NT5DC1: variants seen among roughly 807,000 people sequenced by gnomAD.
The protein encoded by NT5DC1 is 5'-nucleotidase domain containing 1.
NT5DC1 carries 42 observed loss-of-function variants against 59.4 expected under a neutral mutation model. That is an observed-to-expected ratio of 0.71 (90% CI 0.55 to 0.92). The LOEUF is 0.92. NT5DC1 is among the 40% of genes least tolerant of loss of function. The pLI is 0.00. For synonymous variants in NT5DC1, 172 were observed against 188.1 expected, an observed-to-expected ratio of 0.91 and a Z score of 0.70; for missense variants, 501 against 537.1, an observed-to-expected ratio of 0.93 and a Z score of 0.66.
In NT5DC1 at chr6:116,248,180, T is replaced by C. The variant is rs187419160; in HGVS notation, c.*4156T>C. The stretch of plus-strand genomic sequence containing the variant: ...GTGATAGAGTAGAAGTTATGCTAGC[T>C]TGAAATCAGAAAACTCAACAGTGAG... On this transcript the variant is annotated 3_prime_UTR_variant, in exon 12 of 12. Coordinates refer to ENST00000319550, the MANE Select transcript of NT5DC1 (RefSeq NM_152729.3). 1.8e-4 allele frequency: 27 copies of C among 152,362 alleles called. No individual in the cohort carries two copies. Among genetic ancestry groups the C allele is most frequent in the African/African-American group, 6.3e-4 (26 of 41,590 alleles). The allele number at this position is 152,362 out of a possible 1,614,324, so 9.4% of individuals were successfully genotyped here.
chr6:116,247,881 G>GTT lies in NT5DC1; in HGVS notation c.*3859_*3860dup, dbSNP rs1364652133. 6.6e-6 allele frequency: 1 copy of GTT among 152,156 alleles called. No individual in the cohort carries two copies. Among genetic ancestry groups the GTT allele is most frequent in the Non-Finnish European group, 1.5e-5 (1 of 68,028 alleles). The allele number at this position is 152,156 out of a possible 1,614,324, so 9.4% of individuals were successfully genotyped here. On this transcript the variant is annotated 3_prime_UTR_variant, in exon 12 of 12. Coordinates refer to ENST00000319550, the MANE Select transcript of NT5DC1 (RefSeq NM_152729.3). ...AGCAGCTAAATTCCATGAGTATAACGTTTAATGTCTTTTTGGTACATTAAA... is the reference window on the plus strand; with the variant it reads ...AGCAGCTAAATTCCATGAGTATAACGTTTTTAATGTCTTTTTGGTACATTAAA...
Position 116,145,064 on chromosome 6 carries a change from T to C in NT5DC1, c.529+27119T>C, listed in dbSNP as rs73772279. On this transcript the variant is annotated intron_variant, in intron 6 of 11. Transcript: ENST00000319550. The stretch of plus-strand genomic sequence containing the variant: ...TTGATACATGAGAAATGGAATGCCT[T>C]TTAAATCTAATATATCAGCAAAGTT... Among the ~76,000 whole-genome samples, 743 of 152,310 alleles carry C rather than the reference T, an allele frequency of 4.9e-3. 12 individuals carry two copies. The highest frequency in any genetic ancestry group is 0.043 in the South Asian group (209 of 4,830).
At chr6:116,159,939 A>T (rs1213105009) in intron 6 of NT5DC1, among the ~76,000 whole-genome samples, 2 of 152,214 alleles carry the variant, frequency 1.3e-5, no homozygotes, top group African/African-American at 2.4e-5. Context: ...TGCAAAGGAC[A>T]CAATTTCATT....
intron 6 of NT5DC1, among the ~76,000 whole-genome samples, chr6:116,123,269 G>A (rs1426682778): frequency 6.6e-6 from 1 of 152,128 alleles, no homozygotes; most frequent in Non-Finnish European, 1.5e-5. Context: ...GTGACAGGGC[G>A]AACTTTGTCA....
intron 6 of NT5DC1, among the ~76,000 whole-genome samples, chr6:116,159,810 A>G (rs1371172158): frequency 3.9e-5 from 6 of 152,000 alleles, no homozygotes; most frequent in African/African-American, 9.7e-5. Flanking sequence ...CCCAATATCT[A>G]TTATTTCCAT....
At chr6:116,212,905 T>C (rs1180606318) in intron 6 of NT5DC1, among the ~76,000 whole-genome samples, 1 of 152,204 alleles carries the variant, frequency 6.6e-6, no homozygotes, top group Non-Finnish European at 1.5e-5. Context: ...AAGCTTTTCA[T>C]GTATTTACAT....
At chr6:116,182,200 G>A (rs978349211) in intron 6 of NT5DC1, among the ~76,000 whole-genome samples, 3 of 139,862 alleles carry the variant, frequency 2.1e-5, no homozygotes, top group African/African-American at 8.1e-5. Context: ...TTCTTTTTAT[G>A]GCTGAGTAGT....
intron 6 of NT5DC1, among the ~76,000 whole-genome samples, chr6:116,163,405 T>C (rs1179788012): frequency 6.6e-6 from 1 of 151,974 alleles, no homozygotes; most frequent in Non-Finnish European, 1.5e-5. Flanking sequence ...CTAGTTTGTA[T>C]GCATAGAGAT....
chr6:116,164,404 A>G (rs1780416035), intron 6 of NT5DC1, among the ~76,000 whole-genome samples: 1 of 151,922 alleles, frequency 6.6e-6, no homozygotes, highest in African/African-American at 2.4e-5. Flanking sequence ...AAGAATAGCA[A>G]CCCCTGGTCT....
intron 10 of NT5DC1, 63 bp downstream of exon 10, chr6:116,238,411 CT>C: frequency 9.9e-7 from 1 of 1,012,198 alleles, no homozygotes; most frequent in Non-Finnish European, 1.3e-6. Context: ...GCTAAAGTAT[CT>C]TTATACTACT....
chr6:116,179,725 A>G (rs899462905), intron 6 of NT5DC1, among the ~76,000 whole-genome samples: 4 of 152,140 alleles, frequency 2.6e-5, no homozygotes, highest in Non-Finnish European at 5.9e-5. Flanking sequence ...CTCAATAATT[A>G]TAAGATTCTG....
At chr6:116,117,549 TACTC>T (rs1778989398) in intron 5 of NT5DC1, among the ~76,000 whole-genome samples, 1 of 152,206 alleles carries the variant, frequency 6.6e-6, no homozygotes, top group Non-Finnish European at 1.5e-5. Context: ...ATCTTAAACA[TACTC>T]AGAACACTTC....
intron 6 of NT5DC1, among the ~76,000 whole-genome samples, chr6:116,214,136 C>G (rs1267479912): frequency 6.6e-6 from 1 of 152,014 alleles, no homozygotes; most frequent in Non-Finnish European, 1.5e-5. Flanking sequence ...CACTTACAAA[C>G]TTAGGATTCA....
Position 116,182,260 on chromosome 6 carries a change from ATTTTCT to A in NT5DC1, c.530-38785_530-38780del, listed in dbSNP as rs1212702277. Reference sequence around the variant, plus strand: ...GTGTGTGTGTGTGTGTGTGTATCACATTTTCTTTTTCTTTATCCACTCTTTGATTGA... The same window carrying A: ...GTGTGTGTGTGTGTGTGTGTATCACATTTTCTTTATCCACTCTTTGATTGA... On this transcript the variant is annotated intron_variant, in intron 6 of 11. Coordinates refer to ENST00000319550, the MANE Select transcript of NT5DC1 (RefSeq NM_152729.3). 9.2e-5 allele frequency among the ~76,000 whole-genome samples: 9 copies of A among 97,826 alleles called. No individual in the cohort carries two copies. The South Asian group carries it at 2.7e-3, about 29-fold the overall frequency. 64.2% of individuals were successfully genotyped at this position (97,826 alleles called of 152,430 possible).
chr6:116,238,073 A>G (rs1027276925), intron 9 of NT5DC1, 114 bp from the exon 10 acceptor site: 2 of 661,660 alleles, frequency 3.0e-6, no homozygotes, highest in Admixed American at 5.5e-5. Flanking sequence ...TGTTTATGCA[A>G]TTTTTGATTG....
At chr6:116,211,929 G>A (rs976770067) in intron 6 of NT5DC1, among the ~76,000 whole-genome samples, 2 of 151,990 alleles carry the variant, frequency 1.3e-5, no homozygotes, top group African/African-American at 4.8e-5. Context: ...ATGTTGCAAA[G>A]AGTATTGGGG....
intron 6 of NT5DC1, among the ~76,000 whole-genome samples, chr6:116,182,222 A>AGAGTGTGTGTGTGTGTGTGTGT (rs148509481): frequency 1.1e-3 from 142 of 124,674 alleles, no homozygotes; most frequent in South Asian, 2.0e-3. Flanking sequence ...TTCCATGGAG[A>AGAGTGTGTGTGTGTGTGTGTGT]GTGTGTGTGT....
Position 116,138,363 on chromosome 6 carries a change from T to C in NT5DC1, c.529+20418T>C, listed in dbSNP as rs191019010. The stretch of plus-strand genomic sequence containing the variant: ...AATTCCAAGAATAGCACTACTTAAC[T>C]AGGAACTACTGTGTTGGCTATTCCT... On this transcript the variant is annotated intron_variant, in intron 6 of 11. Transcript: ENST00000319550. 3.1e-4 allele frequency among the ~76,000 whole-genome samples: 47 copies of C among 152,344 alleles called. 1 individual carries two copies. The East Asian group carries it at 8.5e-3, about 27-fold the overall frequency.
chr6:116,129,184 A>G (rs1031976968), intron 6 of NT5DC1, among the ~76,000 whole-genome samples: 8 of 152,328 alleles, frequency 5.3e-5, no homozygotes, highest in Admixed American at 3.9e-4. Context: ...TAATATCATC[A>G]AATCCTGTAG....
Sources: gnomAD v4.1 joint callset for allele counts (sites outside exome capture counted in the v4.1 genomes callset) on GRCh38, gnomAD v4.1.1 for gene constraint, MANE v1.5 for transcripts, NCBI Gene and HGNC (gene_info 2026-07-23, HGNC 2026-07-21) for gene names.